Variants in CDH8 observed in about 807,000 individuals in gnomAD.
CDH8 encodes cadherin-8.
A neutral mutation model predicts 68.1 loss-of-function variants in CDH8; 17 were observed. The observed-to-expected ratio is 0.25, with a 90% CI of 0.17 to 0.37. The LOEUF (loss-of-function observed/expected upper bound fraction) is 0.37, where lower values mean the gene tolerates loss of function less well. CDH8 is among the 10% of genes least tolerant of loss of function. The pLI, the probability that CDH8 is intolerant of heterozygous loss-of-function variation, is 1.00. For synonymous variants in CDH8, 372 were observed against 365.1 expected (o/e 1.02, Z -0.21); for missense variants, 763 against 999.3 (o/e 0.76, Z 3.19).
intron 3 of CDH8, among the ~76,000 whole-genome samples, chr16:61,889,184 T>C (rs896648055): frequency 2.6e-5 from 4 of 152,176 alleles, no homozygotes; most frequent in African/African-American, 9.7e-5. Context: ...TCTTTTGTCA[T>C]GAGGTCTAAT....
chr16:61,832,397 G>T (rs1962480655), intron 4 of CDH8, among the ~76,000 whole-genome samples: 1 of 150,630 alleles, frequency 6.6e-6, no homozygotes, highest in Non-Finnish European at 1.5e-5. Flanking sequence ...GAGAAATAGA[G>T]AGGGAAATAG....
chr16:61,680,875 ATG>A (rs1964000470), intron 10 of CDH8, among the ~76,000 whole-genome samples: 1 of 151,966 alleles, frequency 6.6e-6, no homozygotes, highest in Admixed American at 6.6e-5. Flanking sequence ...GAACAAATAA[ATG>A]TGCCAAGCTG....
chr16:62,003,196 A>G (rs1965921335), intron 2 of CDH8, among the ~76,000 whole-genome samples: 1 of 152,220 alleles, frequency 6.6e-6, no homozygotes, highest in South Asian at 2.1e-4. Flanking sequence ...AGTAATTGTG[A>G]ATCAAAGATT....
At chr16:62,007,203 G>A (rs1400975929) in intron 2 of CDH8, among the ~76,000 whole-genome samples, 1 of 152,106 alleles carries the variant, frequency 6.6e-6, no homozygotes, top group East Asian at 1.9e-4. Context: ...ACCACACCCG[G>A]CCCCCATTTC....
At chr16:61,743,670 T>A (rs1411937349) in intron 8 of CDH8, among the ~76,000 whole-genome samples, 1 of 152,198 alleles carries the variant, frequency 6.6e-6, no homozygotes, top group Non-Finnish European at 1.5e-5. Context: ...ATCCTATACT[T>A]ATTTTCACCT....
intron 4 of CDH8, among the ~76,000 whole-genome samples, chr16:61,827,668 AAT>A (rs1220083799): frequency 6.6e-6 from 1 of 151,900 alleles, no homozygotes; most frequent in Non-Finnish European, 1.5e-5. Context: ...TTGTTTAGCA[AAT>A]AGGACAAGAA....
At chr16:61,669,128 T>C (rs1279528439) in intron 10 of CDH8, among the ~76,000 whole-genome samples, 1 of 152,032 alleles carries the variant, frequency 6.6e-6, no homozygotes, top group African/African-American at 2.4e-5. Context: ...AATCTCGTGA[T>C]CTCCCTGAAG....
At chr16:61,670,072 C>T (rs1229978797) in intron 10 of CDH8, among the ~76,000 whole-genome samples, 1 of 151,962 alleles carries the variant, frequency 6.6e-6, no homozygotes, top group Non-Finnish European at 1.5e-5. Flanking sequence ...CCTATTTTTT[C>T]CCATCTCCTA....
rs796540401 is a variant in CDH8 at position 62,021,531 on chromosome 16, C to A, written c.-128G>T. The stretch of plus-strand genomic sequence containing the variant: ...ACAGCTCTGCCACGTGTCTATAGCA[C>A]GGGAAACAGACATCATCTAAGCAGC... On this transcript the variant is annotated 5_prime_UTR_variant, in exon 2 of 12. Transcript: ENST00000577390. 1 of 1,461,220 alleles carries A rather than the reference C, an allele frequency of 6.8e-7. No individual in the cohort carries two copies. Among genetic ancestry groups the A allele is most frequent in the Non-Finnish European group, 9.0e-7 (1 of 1,111,922 alleles). The allele number at this position is 1,461,220 out of a possible 1,614,324, so 90.5% of individuals were successfully genotyped here. A position where few individuals can be genotyped will look rare whatever the true frequency, so the allele number is the denominator to read the frequency against.
At chr16:61,726,698 T>G in intron 9 of CDH8, 1 of 265,200 alleles carries the variant, frequency 3.8e-6, no homozygotes, top group Non-Finnish European at 7.0e-6. Flanking sequence ...GGTTTCACTA[T>G]TATTTGGTAT....
chr16:61,913,856 C>G (rs532311203), intron 2 of CDH8, among the ~76,000 whole-genome samples: 11 of 151,936 alleles, frequency 7.2e-5, no homozygotes, highest in African/African-American at 2.4e-4. Context: ...CATTTCTAAT[C>G]AAAAACAAAA....
At chr16:61,769,258 G>A (rs1477093852) in intron 8 of CDH8, among the ~76,000 whole-genome samples, 1 of 151,648 alleles carries the variant, frequency 6.6e-6, no homozygotes, top group Non-Finnish European at 1.5e-5. Context: ...TGAATATTAT[G>A]GTCTTAAAGA....
intron 10 of CDH8, among the ~76,000 whole-genome samples, chr16:61,672,946 T>C (rs1226876419): frequency 6.6e-6 from 1 of 152,074 alleles, no homozygotes; most frequent in African/African-American, 2.4e-5. Context: ...ACTATCTTAA[T>C]AATAGACAAG....
chr16:61,720,483 T>C (rs1035102692), intron 9 of CDH8, among the ~76,000 whole-genome samples: 2 of 150,994 alleles, frequency 1.3e-5, no homozygotes, highest in Non-Finnish European at 3.0e-5. Flanking sequence ...AACAATCTTT[T>C]ACACCATTTT....
intron 7 of CDH8, among the ~76,000 whole-genome samples, chr16:61,814,711 T>G (rs1962034461): frequency 6.6e-6 from 1 of 152,222 alleles, no homozygotes; most frequent in Non-Finnish European, 1.5e-5. Flanking sequence ...ATTCCCTGAA[T>G]ATCCATATCC....
At chr16:61,739,734 A>AAAAAAGAAAAG (rs771933210) in intron 8 of CDH8, among the ~76,000 whole-genome samples, 37 of 142,056 alleles carry the variant, frequency 2.6e-4, no homozygotes, top group African/African-American at 2.3e-4. Context: ...CCTCAAAAAA[A>AAAAAAGAAAAG]AAAAGAAAAG....
intron 9 of CDH8, among the ~76,000 whole-genome samples, chr16:61,714,916 A>G (rs569181731): frequency 2.0e-4 from 31 of 151,438 alleles, no homozygotes; most frequent in Non-Finnish European, 3.5e-4. Context: ...ATTATGTCCC[A>G]TTGAACTTTG....
chr16:61,685,513 T>A lies in CDH8; in HGVS notation c.1654+28328A>T, dbSNP rs898194444. ...TGATTAGTTCAACATGGAGAAGAGA[T>A]AAAGAAGAAGCTTTTTGTTAAGTTT... On this transcript the variant is annotated intron_variant, in intron 10 of 11. Coordinates refer to ENST00000577390, the MANE Select transcript of CDH8 (RefSeq NM_001796.5). Among the ~76,000 whole-genome samples, 9 of 152,086 alleles carry A rather than the reference T, an allele frequency of 5.9e-5. 1 individual carries two copies. In the South Asian group the frequency reaches 1.2e-3, roughly 21 times the overall value.
intron 3 of CDH8, among the ~76,000 whole-genome samples, chr16:61,876,123 C>A (rs146956997): frequency 6.6e-6 from 1 of 152,124 alleles, no homozygotes; most frequent in African/African-American, 2.4e-5. Context: ...GATCCACCCG[C>A]CTCAGCCTCC....
Sources: allele counts gnomAD v4.1 joint callset (sites outside exome capture counted in the v4.1 genomes callset), GRCh38; gene constraint gnomAD v4.1.1; transcripts MANE v1.5; gene names NCBI Gene and HGNC (gene_info 2026-07-23, HGNC 2026-07-21).